The following NCAM1 variants were observed in gnomAD, a reference collection of about 807,000 sequenced individuals.
NCAM1 encodes neural cell adhesion molecule 1.
A neutral mutation model predicts 109.8 loss-of-function variants in NCAM1; 14 were observed. The observed-to-expected ratio is 0.13, with a 90% CI of 0.08 to 0.20. The LOEUF is 0.20. Ranked by LOEUF, NCAM1 falls within the 10% of genes least tolerant of loss-of-function variation. NCAM1 has a pLI of 1.00. For missense variants in NCAM1, 774 were observed against 1,109.9 expected, an observed-to-expected ratio of 0.70 and a Z score of 4.30; for synonymous variants, 418 against 442.9, an observed-to-expected ratio of 0.94 and a Z score of 0.70.
At chr11:113,240,758 T>C (rs539417305) in intron 14 of NCAM1, 4 of 1,610,730 alleles carry the variant, frequency 2.5e-6, no homozygotes, top group East Asian at 2.2e-5. Context: ...ATGATCTTTT[T>C]TCCCCACCTT....
intron 1 of NCAM1, among the ~76,000 whole-genome samples, chr11:113,139,045 T>C (rs908065397): frequency 2.6e-5 from 4 of 152,236 alleles, no homozygotes; most frequent in Admixed American, 6.5e-5. Flanking sequence ...CCTAGTAATA[T>C]TTAGCTTACC....
At chr11:113,148,244 T>C (rs1942091259) in intron 1 of NCAM1, among the ~76,000 whole-genome samples, 1 of 151,952 alleles carries the variant, frequency 6.6e-6, no homozygotes. Flanking sequence ...TGCTTTCCCG[T>C]CCCAGGATTA....
intron 1 of NCAM1, among the ~76,000 whole-genome samples, chr11:112,975,312 G>T (rs1176259234): frequency 6.6e-6 from 1 of 152,018 alleles, no homozygotes; most frequent in African/African-American, 2.4e-5. Flanking sequence ...GTAGTTAAAT[G>T]TCCACTAGAA....
intron 1 of NCAM1, among the ~76,000 whole-genome samples, chr11:113,134,270 A>G (rs1290972137): frequency 6.6e-6 from 1 of 152,236 alleles, no homozygotes; most frequent in Non-Finnish European, 1.5e-5. Flanking sequence ...TTTACGTAGC[A>G]TAATAGCCTC....
At chr11:113,106,396 A>AG (rs1940164539) in intron 1 of NCAM1, among the ~76,000 whole-genome samples, 2 of 152,250 alleles carry the variant, frequency 1.3e-5, no homozygotes, top group Non-Finnish European at 2.9e-5. Context: ...GGAGTCTAAC[A>AG]GTTGATGACA....
In NCAM1 at chr11:113,273,130, C is replaced by T. The variant is rs1375581247; in HGVS notation, c.2456+1254C>T. ...TCAAACTCTGTACCGGCTGGCCAGG[C>T]CACCCCTTCCAAGGGGCCCAGCGCC... On this transcript the variant is annotated intron_variant, in intron 19 of 19. Transcript: ENST00000316851. The surrounding 1 kb of genome is among the most constrained non-coding windows in gnomAD (Gnocchi z 6.0). 1.1e-5 allele frequency: 5 copies of T among 448,500 alleles called. No homozygotes were observed. Among genetic ancestry groups the T allele is most frequent in the South Asian group, 3.1e-5 (2 of 63,596 alleles). 27.8% of individuals were successfully genotyped at this position (448,500 alleles called of 1,614,324 possible).
At position 113,271,751 on chromosome 11, in the gene NCAM1, T is replaced by C. The variant is rs990555405; in HGVS notation, c.2340-9T>C. ...CCCTAGGGTCTAACCAGCAGTACTGTCTCCACAGGAAAGATGAGTCCAAGG... is the reference window on the plus strand; with the variant it reads ...CCCTAGGGTCTAACCAGCAGTACTGCCTCCACAGGAAAGATGAGTCCAAGG... On this transcript the variant is annotated splice_polypyrimidine_tract_variant and intron_variant, in intron 18 of 19. Transcript: ENST00000316851. 6.4e-7 allele frequency: 1 copy of C among 1,551,024 alleles called. No individual in the cohort carries two copies. Among genetic ancestry groups the C allele is most frequent in the Non-Finnish European group, 8.7e-7 (1 of 1,146,286 alleles).
At chr11:112,979,666 C>T (rs782482365) in intron 1 of NCAM1, among the ~76,000 whole-genome samples, 14 of 151,764 alleles carry the variant, frequency 9.2e-5, no homozygotes, top group Non-Finnish European at 1.5e-4. Flanking sequence ...GCTTCTTTAA[C>T]GTTTCAGTTT....
At chr11:113,084,513 G>A (rs1938990730) in intron 1 of NCAM1, among the ~76,000 whole-genome samples, 3 of 152,156 alleles carry the variant, frequency 2.0e-5, no homozygotes, top group South Asian at 2.1e-4. Context: ...TTTGACTTTA[G>A]TGTCATAGTT....
chr11:112,975,686 G>C (rs1413726274), intron 1 of NCAM1, among the ~76,000 whole-genome samples: 1 of 151,970 alleles, frequency 6.6e-6, no homozygotes, highest in South Asian at 2.1e-4. Context: ...GGGATTGAAA[G>C]TGAGTCAGTT....
At chr11:113,090,130 T>C (rs1591315772) in intron 1 of NCAM1, among the ~76,000 whole-genome samples, 1 of 152,208 alleles carries the variant, frequency 6.6e-6, no homozygotes, top group East Asian at 1.9e-4. Context: ...CTAGTAATTA[T>C]GAGAAAATAA....
At chr11:113,222,742 C>T (rs1266934290) in intron 9 of NCAM1, among the ~76,000 whole-genome samples, 1 of 152,242 alleles carries the variant, frequency 6.6e-6, no homozygotes, top group Non-Finnish European at 1.5e-5. Flanking sequence ...TATCAGGGAG[C>T]ATTAAGGAGA....
At chr11:113,232,480 AGAG>A in intron 11 of NCAM1, 126 bp downstream of exon 11, 1 of 1,059,222 alleles carries the variant, frequency 9.4e-7, no homozygotes, top group East Asian at 2.5e-5. Flanking sequence ...GGCATGGGCT[AGAG>A]AAGACACTGA....
chr11:113,094,863 G>A (rs1555090034), intron 1 of NCAM1, among the ~76,000 whole-genome samples: 1 of 152,140 alleles, frequency 6.6e-6, no homozygotes, highest in Non-Finnish European at 1.5e-5. Context: ...TGACAAGAAC[G>A]AAAAATGTCG....
chr11:112,994,519 A>G (rs1951541281), intron 1 of NCAM1, among the ~76,000 whole-genome samples: 1 of 152,198 alleles, frequency 6.6e-6, no homozygotes, highest in Non-Finnish European at 1.5e-5. Context: ...TATGCCCTTC[A>G]TTTTGATACA....
At chr11:113,264,982 G>T (rs1433356809) in intron 17 of NCAM1, 10 of 985,302 alleles carry the variant, frequency 1.0e-5, no homozygotes, top group Non-Finnish European at 1.2e-5. Context: ...ACCCCACCTT[G>T]CTCAGCCACA....
At chr11:113,002,486 A>G (rs1177858500) in intron 1 of NCAM1, among the ~76,000 whole-genome samples, 1 of 152,224 alleles carries the variant, frequency 6.6e-6, no homozygotes, top group Admixed American at 6.5e-5. Context: ...ACCTTTTTAC[A>G]AAATGAATGT....
At chr11:112,969,380 T>G (rs182614011) in intron 1 of NCAM1, among the ~76,000 whole-genome samples, 3 of 152,302 alleles carry the variant, frequency 2.0e-5, no homozygotes, top group Admixed American at 1.3e-4. Flanking sequence ...AATTTTATCC[T>G]TTTCTAAGGC....
intron 1 of NCAM1, among the ~76,000 whole-genome samples, chr11:113,170,965 A>G (rs530638886): frequency 4.1e-4 from 62 of 152,336 alleles, no homozygotes; most frequent in Non-Finnish European, 4.7e-4. Context: ...TATAATTAAA[A>G]GTAAAATACA....
Sources: gnomAD v4.1 joint callset for allele counts (sites outside exome capture counted in the v4.1 genomes callset) on GRCh38, gnomAD v4.1.1 for gene constraint, Gnocchi (gnomAD v3.1) non-coding constraint, MANE v1.5 for transcripts, NCBI Gene and HGNC (gene_info 2026-07-23, HGNC 2026-07-21) for gene names.